Variants in MARCHF11 observed in about 807,000 individuals in gnomAD.
MARCHF11 encodes membrane associated ring-CH-type finger 11, also known as E3 ubiquitin-protein ligase MARCHF11.
In MARCHF11, 29 loss-of-function variants were observed where a neutral mutation model predicts 37.3. The ratio of observed to expected loss-of-function variants is 0.78; its 90% CI spans 0.58 to 1.06. The LOEUF is 1.06. Ranked by LOEUF, MARCHF11 falls within the 50% of genes least tolerant of loss-of-function variation. MARCHF11 has a pLI of 0.00. For missense variants in MARCHF11, 482 were observed against 533.4 expected (o/e 0.90, Z 0.95); for synonymous variants, 233 against 228.0 (o/e 1.02, Z -0.20).
intron 2 of MARCHF11, among the ~76,000 whole-genome samples, chr5:16,151,279 G>A (rs1033439477): frequency 1.3e-5 from 2 of 151,940 alleles, no homozygotes; most frequent in African/African-American, 4.8e-5. Context: ...TTATGGATGA[G>A]CATTTAGGTC....
intron 2 of MARCHF11, among the ~76,000 whole-genome samples, chr5:16,113,774 T>C (rs1307802293): frequency 6.6e-6 from 1 of 152,206 alleles, no homozygotes; most frequent in African/African-American, 2.4e-5. Context: ...TATTTATCAC[T>C]TCTTTGTTTT....
At chr5:16,115,845 T>C (rs1737219275) in intron 2 of MARCHF11, among the ~76,000 whole-genome samples, 1 of 152,146 alleles carries the variant, frequency 6.6e-6, no homozygotes, top group Admixed American at 6.5e-5. Context: ...CAGGCTGGTC[T>C]CAAACTCCTG....
At chr5:16,128,305 C>A (rs1737451229) in intron 2 of MARCHF11, among the ~76,000 whole-genome samples, 1 of 152,134 alleles carries the variant, frequency 6.6e-6, no homozygotes, top group Non-Finnish European at 1.5e-5. Flanking sequence ...CACACTGGCA[C>A]CTGTGAGTGA....
intron 3 of MARCHF11, among the ~76,000 whole-genome samples, chr5:16,080,245 C>T (rs1480727239): frequency 6.6e-6 from 1 of 152,162 alleles, no homozygotes; most frequent in African/African-American, 2.4e-5. Flanking sequence ...CTTCACCTAA[C>T]CCTTGACAGA....
At chr5:16,085,143 T>G (rs958254234) in intron 3 of MARCHF11, among the ~76,000 whole-genome samples, 3 of 152,120 alleles carry the variant, frequency 2.0e-5, no homozygotes, top group Non-Finnish European at 4.4e-5. Context: ...AGGAAGCACT[T>G]TCTACACTAA....
chr5:16,069,557 G>A (rs546911923), intron 3 of MARCHF11, among the ~76,000 whole-genome samples: 1 of 152,104 alleles, frequency 6.6e-6, no homozygotes, highest in Non-Finnish European at 1.5e-5. Flanking sequence ...AAGTGGATTT[G>A]GGGAGTTGGG....
intron 3 of MARCHF11, among the ~76,000 whole-genome samples, chr5:16,076,385 C>A (rs1347982948): frequency 1.3e-5 from 2 of 151,940 alleles, no homozygotes; most frequent in African/African-American, 4.8e-5. Flanking sequence ...GAAAATAAAA[C>A]CATGGATATG....
chr5:16,085,014 G>A (rs190949543), intron 3 of MARCHF11, among the ~76,000 whole-genome samples: 25 of 151,028 alleles, frequency 1.7e-4, no homozygotes, highest in Admixed American at 1.3e-3. Context: ...GTGTGTGTGC[G>A]CCTATATCTC....
At chr5:16,148,305 A>C (rs183127115) in intron 2 of MARCHF11, among the ~76,000 whole-genome samples, 1 of 152,130 alleles carries the variant, frequency 6.6e-6, no homozygotes, top group Non-Finnish European at 1.5e-5. Flanking sequence ...TCATAAACGG[A>C]ACATATTTCA....
intron 3 of MARCHF11, among the ~76,000 whole-genome samples, chr5:16,083,445 C>T (rs1201852072): frequency 6.6e-6 from 1 of 152,120 alleles, no homozygotes; most frequent in Non-Finnish European, 1.5e-5. Context: ...GAAATCGCTA[C>T]CTATCGACAA....
rs113824757 is a variant in MARCHF11 at position 16,080,813 on chromosome 5, C to T, written c.886+10076G>A. ...ATTATAATATTTCTCACTTTTTCAT[C>T]CCTACTCTCCTTTATGTTTCCACGC... On this transcript the variant is annotated intron_variant, in intron 3 of 3. Coordinates refer to ENST00000332432, the MANE Select transcript of MARCHF11 (RefSeq NM_001102562.3). Among the ~76,000 whole-genome samples, 615 of 152,172 alleles carry T rather than the reference C, an allele frequency of 4.0e-3. 5 individuals are homozygous for T. The highest frequency in any genetic ancestry group is 5.9e-3 in the Non-Finnish European group (398 of 68,014).
At chr5:16,161,837 A>G (rs988257515) in intron 2 of MARCHF11, among the ~76,000 whole-genome samples, 1 of 151,972 alleles carries the variant, frequency 6.6e-6, no homozygotes, top group East Asian at 1.9e-4. Context: ...TACAGCCTCA[A>G]ATATTCATTC....
intron 2 of MARCHF11, among the ~76,000 whole-genome samples, chr5:16,100,661 C>A (rs1736939745): frequency 6.6e-6 from 1 of 152,110 alleles, no homozygotes; most frequent in South Asian, 2.1e-4. Context: ...GCCCTCTACC[C>A]AGGTGCCAAG....
chr5:16,168,237 T>C (rs1738203184), intron 2 of MARCHF11, among the ~76,000 whole-genome samples: 1 of 152,070 alleles, frequency 6.6e-6, no homozygotes, highest in Non-Finnish European at 1.5e-5. Context: ...GTATTCAGGT[T>C]GAGGGCAGCA....
At chr5:16,140,424 T>C (rs1427711119) in intron 2 of MARCHF11, among the ~76,000 whole-genome samples, 2 of 152,182 alleles carry the variant, frequency 1.3e-5, no homozygotes, top group African/African-American at 4.8e-5. Flanking sequence ...TGGGTCATTG[T>C]ATATATAGCT....
intron 2 of MARCHF11, among the ~76,000 whole-genome samples, chr5:16,126,618 C>T (rs1737413998): frequency 6.6e-6 from 1 of 152,146 alleles, no homozygotes; most frequent in Admixed American, 6.5e-5. Flanking sequence ...TATGGTGGTT[C>T]TAAATTCGCT....
At chr5:16,148,289 T>C (rs1312673268) in intron 2 of MARCHF11, among the ~76,000 whole-genome samples, 1 of 152,138 alleles carries the variant, frequency 6.6e-6, no homozygotes, top group African/African-American at 2.4e-5. Context: ...TAAAACCATA[T>C]AGACATCATA....
intron 2 of MARCHF11, among the ~76,000 whole-genome samples, chr5:16,155,302 A>C (rs1244735355): frequency 2.0e-5 from 3 of 151,870 alleles, no homozygotes; most frequent in African/African-American, 7.3e-5. Context: ...TTAGAAGGTC[A>C]CAGACTGTTT....
chr5:16,093,520 C>T (rs1358894097), intron 2 of MARCHF11, among the ~76,000 whole-genome samples: 3 of 152,020 alleles, frequency 2.0e-5, no homozygotes, highest in Non-Finnish European at 2.9e-5. Flanking sequence ...CCCAGGAAAT[C>T]GAGTGGCCAT....
Sources: gnomAD v4.1 joint callset for allele counts (sites outside exome capture counted in the v4.1 genomes callset) on GRCh38, gnomAD v4.1.1 for gene constraint, MANE v1.5 for transcripts, NCBI Gene and HGNC (gene_info 2026-07-23, HGNC 2026-07-21) for gene names.